The following DLGAP2 variants were observed in gnomAD, a reference collection of about 807,000 sequenced individuals.
DLGAP2 encodes DLG associated protein 2, also known as disks large-associated protein 2.
Under a neutral mutation model 100.3 loss-of-function variants are expected in DLGAP2, and 26 were observed. The ratio of observed to expected loss-of-function variants is 0.26; its 90% CI spans 0.19 to 0.36. The LOEUF (loss-of-function observed/expected upper bound fraction) is 0.36. Among genes scored for constraint, DLGAP2 ranks in the 10% least tolerant of loss-of-function variants. DLGAP2 has a pLI of 1.00. For synonymous variants in DLGAP2, 886 were observed against 630.1 expected, an observed-to-expected ratio of 1.41 and a Z score of -6.08; for missense variants, 1,858 against 1,453.2, an observed-to-expected ratio of 1.28 and a Z score of -4.53.
At chr8:1,190,714 C>G (rs1454566820) in intron 2 of DLGAP2, among the ~76,000 whole-genome samples, 1 of 152,092 alleles carries the variant, frequency 6.6e-6, no homozygotes. Flanking sequence ...AAAGCCAGGG[C>G]CAGAGGTCAC....
At chr8:1,528,465 C>T (rs1210035561) in intron 4 of DLGAP2, among the ~76,000 whole-genome samples, 1 of 152,230 alleles carries the variant, frequency 6.6e-6, no homozygotes, top group African/African-American at 2.4e-5. Flanking sequence ...TCTATGAAAA[C>T]TTCTCAAAGG....
rs139983953 is a variant in DLGAP2 at position 1,120,304 on chromosome 8, A to G, written c.74-138547A>G. Among the ~76,000 whole-genome samples the G allele has an allele frequency of 6.1e-3, 935 of 152,268 alleles. 10 individuals are homozygous for G. The highest frequency in any genetic ancestry group is 0.017 in the Middle Eastern group (5 of 294). On this transcript the variant is annotated intron_variant, in intron 2 of 14. Transcript: ENST00000637795. ...CTGAGAAGCTCAAATCACACTCATT[A>G]GGCATCTTCGTTCCAGCCAACATGC...
At chr8:1,460,975 TGGCCTG>T in intron 3 of DLGAP2, among the ~76,000 whole-genome samples, 1 of 152,236 alleles carries the variant, frequency 6.6e-6, no homozygotes, top group Non-Finnish European at 1.5e-5. Flanking sequence ...TTGGAAAGCC[TGGCCTG>T]GGTTTCTGCC....
At chr8:824,184 C>T (rs1796643011) in intron 1 of DLGAP2, among the ~76,000 whole-genome samples, 1 of 152,146 alleles carries the variant, frequency 6.6e-6, no homozygotes, top group African/African-American at 2.4e-5. Context: ...AGGTGATCCT[C>T]CCATCTCAGC....
chr8:738,097 G>A (rs986779929), intron 1 of DLGAP2: 22 of 256,230 alleles, frequency 8.6e-5, no homozygotes, highest in Non-Finnish European at 1.5e-4. Flanking sequence ...CCGGGGGTGC[G>A]GGAGCGCACG....
chr8:1,257,588 G>A (rs1215348418), intron 2 of DLGAP2, among the ~76,000 whole-genome samples: 1 of 152,208 alleles, frequency 6.6e-6, no homozygotes, highest in Admixed American at 6.5e-5. Flanking sequence ...GCATTACGTG[G>A]CGTCTCCTCT....
intron 2 of DLGAP2, chr8:1,137,319 C>T (rs1190460899): frequency 2.0e-5 from 3 of 152,752 alleles, no homozygotes; most frequent in East Asian, 1.9e-4. Context: ...AACTATAGTC[C>T]TATTGGACTG....
intron 3 of DLGAP2, among the ~76,000 whole-genome samples, chr8:1,359,322 A>G (rs79436736): frequency 0.094 from 14,357 of 152,236 alleles, 829 homozygotes; most frequent in East Asian, 0.22. Flanking sequence ...AGACGCCTTC[A>G]CCCAAAGAGA....
At chr8:908,492 C>T (rs932854446) in intron 2 of DLGAP2, among the ~76,000 whole-genome samples, 6 of 152,104 alleles carry the variant, frequency 3.9e-5, no homozygotes, top group Non-Finnish European at 8.8e-5. Context: ...TGTAATTTCT[C>T]ATGGCAGGAT....
intron 6 of DLGAP2, among the ~76,000 whole-genome samples, chr8:1,596,628 G>T (rs1237904200): frequency 2.0e-5 from 3 of 152,160 alleles, no homozygotes; most frequent in Non-Finnish European, 2.9e-5. Context: ...GACCAGTGAT[G>T]ATGAGCTTTT....
intron 3 of DLGAP2, among the ~76,000 whole-genome samples, chr8:1,341,977 ATC>A (rs1801428744): frequency 6.6e-6 from 1 of 152,050 alleles, no homozygotes; most frequent in South Asian, 2.1e-4. Flanking sequence ...TTGAGACGGC[ATC>A]TCTCTCTGTC....
At chr8:1,307,692 A>G (rs1368389802) in intron 3 of DLGAP2, among the ~76,000 whole-genome samples, 1 of 152,238 alleles carries the variant, frequency 6.6e-6, no homozygotes, top group Non-Finnish European at 1.5e-5. Context: ...AGCCTTAAAA[A>G]GAAATGAGAT....
intron 4 of DLGAP2, among the ~76,000 whole-genome samples, chr8:1,514,666 C>T (rs901904636): frequency 2.0e-5 from 3 of 152,218 alleles, no homozygotes; most frequent in African/African-American, 7.2e-5. Flanking sequence ...GGCCTCTCTG[C>T]TGTCACCCCA....
chr8:1,112,160 T>C (rs1252345530), intron 2 of DLGAP2, among the ~76,000 whole-genome samples: 1 of 152,162 alleles, frequency 6.6e-6, no homozygotes, highest in Non-Finnish European at 1.5e-5. Flanking sequence ...TAATGATAAA[T>C]GATATTTAAG....
At chr8:874,655 AT>A (rs1274449502) in intron 1 of DLGAP2, among the ~76,000 whole-genome samples, 15 of 152,156 alleles carry the variant, frequency 9.9e-5, no homozygotes, top group Non-Finnish European at 1.8e-4. Flanking sequence ...GGAATGTTTT[AT>A]GTGCATTTGA....
chr8:1,326,991 C>A (rs951414691), intron 3 of DLGAP2, among the ~76,000 whole-genome samples: 6 of 152,220 alleles, frequency 3.9e-5, no homozygotes, highest in African/African-American at 1.4e-4. Context: ...AGGCCTTGGG[C>A]TATGAGGGTG....
At chr8:1,625,489 G>T (rs74390828) in intron 6 of DLGAP2, among the ~76,000 whole-genome samples, 1 of 152,142 alleles carries the variant, frequency 6.6e-6, no homozygotes, top group Non-Finnish European at 1.5e-5. Flanking sequence ...GAAAACGACC[G>T]TTGTGCTTAT....
Position 1,223,554 on chromosome 8 carries a change from C to G in DLGAP2, c.74-35297C>G, listed in dbSNP as rs565662446. Reference sequence around the variant, plus strand: ...AGGGCTGCTTGAAAGAATGGTTTGACCAGGGTTGTTGATCTTCACTTTCTC... The same window carrying G: ...AGGGCTGCTTGAAAGAATGGTTTGAGCAGGGTTGTTGATCTTCACTTTCTC... On this transcript the variant is annotated intron_variant, in intron 2 of 14. Transcript: ENST00000637795. Among the ~76,000 whole-genome samples the G allele has an allele frequency of 1.1e-4, 17 of 152,272 alleles. No individual in the cohort carries two copies. The South Asian group carries it at 3.5e-3, about 32-fold the overall frequency.
intron 3 of DLGAP2, among the ~76,000 whole-genome samples, chr8:1,423,634 C>G (rs1026659926): frequency 3.9e-5 from 6 of 152,200 alleles, no homozygotes; most frequent in Non-Finnish European, 5.9e-5. Context: ...ACCTGCTGCT[C>G]CCTTATTGAA....
Sources: allele counts gnomAD v4.1 joint callset (sites outside exome capture counted in the v4.1 genomes callset), GRCh38; gene constraint gnomAD v4.1.1; transcripts MANE v1.5; gene names NCBI Gene and HGNC (gene_info 2026-07-23, HGNC 2026-07-21).